FBXO40: variants seen among roughly 807,000 people sequenced by gnomAD.
FBXO40 encodes F-box protein 40.
FBXO40 carries 50 observed loss-of-function variants against 49.9 expected under a neutral mutation model. That is an observed-to-expected ratio of 1.00 (90% confidence interval 0.80 to 1.27). FBXO40 has a LOEUF of 1.27. FBXO40 is among the 50% of genes most tolerant of loss of function. The probability of loss-of-function intolerance (pLI) is 0.00; values close to 1 mark genes in which losing one functional copy is unlikely to be tolerated. For missense variants in FBXO40, 895 were observed against 870.1 expected, an observed-to-expected ratio of 1.03 and a Z score of -0.36; for synonymous variants, 340 against 320.2, an observed-to-expected ratio of 1.06 and a Z score of -0.66.
chr3:121,608,864 C>G (rs1336137674), intron 1 of FBXO40, among the ~76,000 whole-genome samples: 1 of 152,170 alleles, frequency 6.6e-6, no homozygotes, highest in African/African-American at 2.4e-5. Context: ...CCATACCTTG[C>G]TTTTTGGCCA....
At chr3:121,614,206 G>A (rs905792738) in intron 1 of FBXO40, among the ~76,000 whole-genome samples, 4 of 148,998 alleles carry the variant, frequency 2.7e-5, no homozygotes, top group Non-Finnish European at 4.4e-5. Flanking sequence ...GGCGGAGGTT[G>A]CAGTGAGCCA....
chr3:121,613,688 TA>T (rs1001332678), intron 1 of FBXO40, among the ~76,000 whole-genome samples: 2 of 152,222 alleles, frequency 1.3e-5, no homozygotes, highest in Non-Finnish European at 2.9e-5. Context: ...TACCACACTT[TA>T]ACTTGTAACT....
chr3:121,613,056 C>T (rs192236271), intron 1 of FBXO40, among the ~76,000 whole-genome samples: 1 of 137,908 alleles, frequency 7.3e-6, no homozygotes, highest in Admixed American at 7.9e-5. Context: ...GGCGACAGAG[C>T]AAGACTCCGT....
At chr3:121,602,420 C>A (rs2048905276) in intron 1 of FBXO40, among the ~76,000 whole-genome samples, 1 of 152,194 alleles carries the variant, frequency 6.6e-6, no homozygotes. Context: ...CTCTTTAGAT[C>A]TCTATTTTTC....
chr3:121,601,819 ACT>A (rs1419978703), intron 1 of FBXO40, among the ~76,000 whole-genome samples: 1 of 152,176 alleles, frequency 6.6e-6, no homozygotes, highest in Admixed American at 6.5e-5. Flanking sequence ...GCAGCAGGGG[ACT>A]CTGAATTATC....
At chr3:121,604,938 A>C (rs911393366) in intron 1 of FBXO40, among the ~76,000 whole-genome samples, 30 of 7,094 alleles carry the variant, frequency 4.2e-3, no homozygotes, top group Admixed American at 0.011. Context: ...GGCTGGCTTT[A>C]TTTATTTATT....
At chr3:121,599,876 T>C (rs2048893282) in intron 1 of FBXO40, among the ~76,000 whole-genome samples, 1 of 151,030 alleles carries the variant, frequency 6.6e-6, no homozygotes, top group African/African-American at 2.4e-5. Context: ...GTGTGCACTA[T>C]CATGCCTGGA....
intron 1 of FBXO40, among the ~76,000 whole-genome samples, chr3:121,599,725 T>TA (rs1491480445): frequency 0.3 from 11,690 of 38,478 alleles, 772 homozygotes; most frequent in Non-Finnish European, 0.37. Context: ...TATATATATA[T>TA]TTTTTTTTTT....
chr3:121,612,694 T>A (rs1211773143), intron 1 of FBXO40, among the ~76,000 whole-genome samples: 6 of 152,032 alleles, frequency 3.9e-5, no homozygotes, highest in Non-Finnish European at 7.4e-5. Flanking sequence ...CAAGCCGAAG[T>A]ATAGTGTTAG....
Position 121,622,557 on chromosome 3 carries a change from G to T in FBXO40, c.1128G>T (p.Lys376Asn). The T allele has an allele frequency of 6.2e-7, 1 of 1,614,172 alleles. No homozygotes were observed. The change falls in exon 3 of 4, where the codon AAG becomes AAT. Residue 376 changes from lysine (K) to asparagine (N), a missense_variant. Physicochemically the swap from Lys to Asn is moderately conservative, Grantham distance 94. Coordinates refer to ENST00000338040, the MANE Select transcript of FBXO40 (RefSeq NM_016298.4). ...TGAGTTGTAAGCCAAGTGAACACAA[G>T]GCAGTGGATACTTCAGATTTGGGGA... ...AMLSCKPSEH[K>N]AVDTSDLGIT...
At position 121,621,604 on chromosome 3, in the gene FBXO40, C is replaced by G; in HGVS notation, c.175C>G (p.Pro59Ala). The G allele has an allele frequency of 6.2e-7, 1 of 1,614,230 alleles. No individual in the cohort carries two copies. Among genetic ancestry groups the G allele is most frequent in the Non-Finnish European group, 8.5e-7 (1 of 1,180,038 alleles). Residue 59 changes from proline to alanine, a missense_variant, in exon 3 of 4, where the codon CCT (proline) becomes GCT (alanine). Coordinates refer to ENST00000338040, the MANE Select transcript of FBXO40 (RefSeq NM_016298.4). ...AGAGGCAGAGCACCAGCTCCTCTGC[C>G]CTTTAGAGCAGGTTCCGTGCCTCAA... The part of the protein sequence containing the change: ...CKEAEHQLLC[P>A]LEQVPCLNSE...
At chr3:121,602,780 C>CTT (rs939633622) in intron 1 of FBXO40, among the ~76,000 whole-genome samples, 6 of 147,780 alleles carry the variant, frequency 4.1e-5, no homozygotes, top group Non-Finnish European at 9.0e-5. Flanking sequence ...ATAATGGACT[C>CTT]TTTTTTTTTT....
intron 1 of FBXO40, among the ~76,000 whole-genome samples, chr3:121,613,602 T>C (rs2048980241): frequency 6.6e-6 from 1 of 152,208 alleles, no homozygotes; most frequent in Admixed American, 6.5e-5. Context: ...CTGGGGCTAA[T>C]TTTTTGCAAG....
rs34748057 is a variant in FBXO40 at position 121,628,253 on chromosome 3, C to T, written c.*1343C>T. On this transcript the variant is annotated 3_prime_UTR_variant, in exon 4 of 4. Transcript: ENST00000338040. ...GCGCAATGACATGATCTCGGCTCAC[C>T]GCAACCTCCGCCTCCTGGGTTCAAG... The T allele has an allele frequency of 0.47, 86,941 of 185,542 alleles. 21,165 individuals carry two copies. Among genetic ancestry groups the T allele is most frequent in the Non-Finnish European group, 0.52 (47,193 of 90,726 alleles). The allele number at this position is 185,542 out of a possible 1,614,324, so 11.5% of individuals were successfully genotyped here. A position where few individuals can be genotyped will look rare whatever the true frequency, so the allele number is the denominator to read the frequency against.
chr3:121,606,502 T>C (rs1304451503), intron 1 of FBXO40, among the ~76,000 whole-genome samples: 4 of 152,224 alleles, frequency 2.6e-5, no homozygotes, highest in Non-Finnish European at 5.9e-5. Context: ...TTAAATACCC[T>C]AGTTGAACTG....
In FBXO40 at chr3:121,622,924, A is replaced by G. The variant is rs1429706281; in HGVS notation, c.1495A>G (p.Ile499Val). ...PLHFKNVHTD[I>V]QSCLNGWFQH... ...GCACTTCAAGAATGTCCACACAGAC[A>G]TTCAGTCATGTCTCAATGGCTGGTT... The change falls in exon 3 of 4, where the codon ATT becomes GTT. Residue 499 changes from isoleucine to valine, a missense_variant. Physicochemically the swap from Ile to Val is conservative, Grantham distance 29. Coordinates refer to ENST00000338040, the MANE Select transcript of FBXO40 (RefSeq NM_016298.4). 6.2e-7 allele frequency: 1 copy of G among 1,614,210 alleles called. No individual in the cohort carries two copies. The highest frequency in any genetic ancestry group is 1.3e-5 in the African/African-American group (1 of 75,066).
intron 1 of FBXO40, among the ~76,000 whole-genome samples, chr3:121,607,052 G>A (rs1013657459): frequency 6.6e-6 from 1 of 152,080 alleles, no homozygotes; most frequent in Non-Finnish European, 1.5e-5. Context: ...ATCACCCGAG[G>A]TCAAGAGTTT....
rs560068720 is a variant in FBXO40, at chr3:121,619,518, A to G, written c.-30-1028A>G. ...AGTTAGTTGTTAACATTTAAAATTCAGAGTATTTTTATTTCGATATATTAT... is the reference window on the plus strand; with the variant it reads ...AGTTAGTTGTTAACATTTAAAATTCGGAGTATTTTTATTTCGATATATTAT... On this transcript the variant is annotated intron_variant, in intron 1 of 3. Coordinates refer to ENST00000338040, the MANE Select transcript of FBXO40 (RefSeq NM_016298.4). Among the ~76,000 whole-genome samples the G allele has an allele frequency of 2.0e-5, 3 of 152,350 alleles. No individual in the cohort carries two copies. In the East Asian group the frequency reaches 5.8e-4, roughly 29 times the overall value.
chr3:121,620,670 C>G, intron 2 of FBXO40, 92 bp downstream of exon 2: 1 of 1,507,560 alleles, frequency 6.6e-7, no homozygotes, highest in Non-Finnish European at 9.2e-7. Flanking sequence ...CAGACTTGCT[C>G]TTATGGTTTG....
Sources: allele counts gnomAD v4.1 joint callset (sites outside exome capture counted in the v4.1 genomes callset), GRCh38; gene constraint gnomAD v4.1.1; transcripts MANE v1.5; gene names NCBI Gene and HGNC (gene_info 2026-07-23, HGNC 2026-07-21).